The following SLC35F4 variants were observed in gnomAD, a reference collection of about 807,000 sequenced individuals.
The protein encoded by SLC35F4 is solute carrier family 35 member F4, also known as chromosome 14 open reading frame 36.
In SLC35F4, 24 loss-of-function variants were observed where a neutral mutation model predicts 44.2. That is an observed-to-expected ratio of 0.54 (90% CI 0.39 to 0.76). The LOEUF (loss-of-function observed/expected upper bound fraction) is 0.76. SLC35F4 is among the 30% of genes least tolerant of loss of function. The pLI is 0.00. For missense variants in SLC35F4, 562 were observed against 586.1 expected (o/e 0.96, Z 0.42); for synonymous variants, 238 against 223.6 (o/e 1.06, Z -0.57).
chr14:57,981,362 G>T (rs1881377226), intron 1 of SLC35F4, among the ~76,000 whole-genome samples: 1 of 152,130 alleles, frequency 6.6e-6, no homozygotes, highest in Non-Finnish European at 1.5e-5. Context: ...TGGGAAATGG[G>T]TGCTTGGGTG....
At chr14:57,705,055 TG>T (rs1393716764) in intron 1 of SLC35F4, among the ~76,000 whole-genome samples, 1 of 152,174 alleles carries the variant, frequency 6.6e-6, no homozygotes, top group Non-Finnish European at 1.5e-5. Context: ...AGTTCTGCAT[TG>T]GCTACTAATT....
At chr14:57,789,189 C>A (rs1305591557) in intron 1 of SLC35F4, among the ~76,000 whole-genome samples, 1 of 151,896 alleles carries the variant, frequency 6.6e-6, no homozygotes, top group African/African-American at 2.4e-5. Context: ...CAAAACCCTT[C>A]AAAAAATCAA....
At chr14:57,906,806 C>A (rs1178897559) in intron 1 of SLC35F4, among the ~76,000 whole-genome samples, 2 of 152,144 alleles carry the variant, frequency 1.3e-5, no homozygotes. Flanking sequence ...AGGGTCATTA[C>A]ATTGCAGGGT....
chr14:57,570,810 A>G (rs925112000), intron 5 of SLC35F4, among the ~76,000 whole-genome samples: 2 of 152,170 alleles, frequency 1.3e-5, no homozygotes, highest in Non-Finnish European at 2.9e-5. Flanking sequence ...TCATATAGCA[A>G]TCCCAGGTAC....
chr14:57,611,957 A>C (rs981574557), intron 1 of SLC35F4, among the ~76,000 whole-genome samples: 2 of 152,210 alleles, frequency 1.3e-5, no homozygotes, highest in African/African-American at 4.8e-5. Flanking sequence ...TGCAGTCCCT[A>C]AGATCTTACA....
chr14:57,847,269 G>A (rs1256084430), intron 1 of SLC35F4, among the ~76,000 whole-genome samples: 3 of 152,156 alleles, frequency 2.0e-5, no homozygotes, highest in Non-Finnish European at 2.9e-5. Flanking sequence ...TTCAATCCCA[G>A]TAGTCTGTTT....
chr14:57,729,507 GC>G (rs2076294511), intron 1 of SLC35F4, among the ~76,000 whole-genome samples: 1 of 152,140 alleles, frequency 6.6e-6, no homozygotes, highest in Non-Finnish European at 1.5e-5. Flanking sequence ...TTGCCAGTTA[GC>G]CCAGGATGTA....
chr14:57,889,118 T>C (rs921240578), intron 1 of SLC35F4, among the ~76,000 whole-genome samples: 6 of 152,198 alleles, frequency 3.9e-5, no homozygotes, highest in African/African-American at 1.4e-4. Flanking sequence ...GAAGATAGTT[T>C]AACCATGTAT....
intron 1 of SLC35F4, among the ~76,000 whole-genome samples, chr14:57,619,352 G>A (rs1384684225): frequency 6.6e-6 from 1 of 152,160 alleles, no homozygotes; most frequent in Non-Finnish European, 1.5e-5. Flanking sequence ...GGAACAGGCA[G>A]CAATCTTTTC....
In SLC35F4 at chr14:57,575,374, G is replaced by A. The variant is rs189376444; in HGVS notation, c.808-3355C>T. ...CACATGCCTGTAATACCGGCTACTC[G>A]GGAGGTTGAGGCAGGAGAATCTCTT... On this transcript the variant is annotated intron_variant, in intron 4 of 7. Coordinates refer to ENST00000556826, the MANE Select transcript of SLC35F4 (RefSeq NM_001306087.2). 1.0e-3 allele frequency among the ~76,000 whole-genome samples: 152 copies of A among 152,248 alleles called. 1 individual carries two copies. The highest frequency in any genetic ancestry group is 6.9e-3 in the East Asian group (36 of 5,182).
intron 1 of SLC35F4, among the ~76,000 whole-genome samples, chr14:57,871,199 C>T (rs1296618276): frequency 6.6e-6 from 1 of 152,148 alleles, no homozygotes; most frequent in Non-Finnish European, 1.5e-5. Context: ...GCAGAGTCCC[C>T]AGCCCCAGAG....
chr14:57,704,828 C>G (rs1446871122), intron 1 of SLC35F4, among the ~76,000 whole-genome samples: 1 of 152,168 alleles, frequency 6.6e-6, no homozygotes, highest in Non-Finnish European at 1.5e-5. Context: ...AGCCCCTGGC[C>G]TGTAATCACT....
intron 1 of SLC35F4, among the ~76,000 whole-genome samples, chr14:57,920,676 A>G (rs1863051593): frequency 6.6e-6 from 1 of 152,206 alleles, no homozygotes; most frequent in Admixed American, 6.5e-5. Context: ...TCTCCCCCTA[A>G]CTAATGAGCA....
chr14:57,739,648 T>C (rs1030327429), intron 1 of SLC35F4, among the ~76,000 whole-genome samples: 1 of 152,182 alleles, frequency 6.6e-6, no homozygotes, highest in East Asian at 1.9e-4. Context: ...GCATCCTTCT[T>C]GAGGAGTGAG....
At chr14:57,961,603 T>G (rs143974596) in intron 1 of SLC35F4, among the ~76,000 whole-genome samples, 1 of 152,214 alleles carries the variant, frequency 6.6e-6, no homozygotes, top group Non-Finnish European at 1.5e-5. Context: ...TGGGTTAAAG[T>G]GCAAGACTCT....
At chr14:57,673,032 G>T (rs1566749182) in intron 1 of SLC35F4, among the ~76,000 whole-genome samples, 1 of 152,006 alleles carries the variant, frequency 6.6e-6, no homozygotes, top group African/African-American at 2.4e-5. Context: ...GTAGCAAAGG[G>T]CTTCAAATCT....
At chr14:57,746,164 C>T (rs938607383) in intron 1 of SLC35F4, among the ~76,000 whole-genome samples, 1 of 151,980 alleles carries the variant, frequency 6.6e-6, no homozygotes, top group African/African-American at 2.4e-5. Context: ...AGCACACCAA[C>T]ATGGCACATG....
chr14:57,875,131 A>G (rs1888372567), intron 1 of SLC35F4, among the ~76,000 whole-genome samples: 1 of 152,230 alleles, frequency 6.6e-6, no homozygotes, highest in Non-Finnish European at 1.5e-5. Flanking sequence ...TTTGTGAATT[A>G]TAATTAATTT....
chr14:57,684,504 G>T (rs897089747), intron 1 of SLC35F4, among the ~76,000 whole-genome samples: 3 of 152,096 alleles, frequency 2.0e-5, no homozygotes, highest in African/African-American at 7.2e-5. Context: ...ATCTAATGCC[G>T]CCACTCATCT....
Sources: allele counts gnomAD v4.1 joint callset (sites outside exome capture counted in the v4.1 genomes callset), GRCh38; gene constraint gnomAD v4.1.1; transcripts MANE v1.5; gene names NCBI Gene and HGNC (gene_info 2026-07-23, HGNC 2026-07-21).